ETV1: variants seen among roughly 807,000 people sequenced by gnomAD.
ETV1 encodes the protein ETS translocation variant 1.
ETV1 carries 27 observed loss-of-function variants against 62.3 expected under a neutral mutation model. The ratio of observed to expected loss-of-function variants is 0.43; its 90% CI spans 0.32 to 0.60. ETV1 has a LOEUF of 0.60. ETV1 is among the 20% of genes least tolerant of loss of function. ETV1 has a pLI of 0.06. For synonymous variants in ETV1, 222 were observed against 199.6 expected (o/e 1.11, Z -0.94); for missense variants, 605 against 605.8 (o/e 1.00, Z 0.01).
chr7:13,989,846 G>A, upstream of ETV1: 1 of 368,380 alleles, frequency 2.7e-6, no homozygotes, highest in Non-Finnish European at 4.8e-6. Flanking sequence ...GCCCTAGGGG[G>A]TGCTCGGCCG....
rs1346726031 is a variant in ETV1 at position 13,909,619 on chromosome 7, G to T, written c.940+13C>A. On this transcript the variant is annotated intron_variant, in intron 11 of 13. Coordinates refer to ENST00000430479, the MANE Select transcript of ETV1 (RefSeq NM_004956.5). ...TAAAAAAATCAGAACTTGAGGCAAA[G>T]TGTAAAACCTACCATCGAATTTTTC... The T allele has an allele frequency of 1.2e-6, 2 of 1,606,784 alleles. No individual in the cohort carries two copies. The highest frequency in any genetic ancestry group is 1.7e-6 in the Non-Finnish European group (2 of 1,173,974).
At chr7:13,968,152 C>T (rs1332841734) in intron 6 of ETV1, among the ~76,000 whole-genome samples, 1 of 151,880 alleles carries the variant, frequency 6.6e-6, no homozygotes, top group Non-Finnish European at 1.5e-5. Context: ...TAACTTGTGA[C>T]TAATTATAGG....
intron 12 of ETV1, among the ~76,000 whole-genome samples, chr7:13,901,498 G>C (rs17735727): frequency 0.34 from 51,892 of 151,932 alleles, 9,265 homozygotes; most frequent in Non-Finnish European, 0.39. Flanking sequence ...TATCCTTCTT[G>C]GTTTTTCAGA....
At chr7:13,916,905 C>T (rs919641040) in intron 9 of ETV1, among the ~76,000 whole-genome samples, 29 of 150,610 alleles carry the variant, frequency 1.9e-4, no homozygotes, top group Non-Finnish European at 3.4e-4. Context: ...GCACTCCAAC[C>T]TAGGCAACAG....
intron 13 of ETV1, among the ~76,000 whole-genome samples, chr7:13,897,160 G>A (rs1781933627): frequency 6.6e-6 from 1 of 151,924 alleles, no homozygotes; most frequent in Non-Finnish European, 1.5e-5. Context: ...GTGGGGGGAT[G>A]GGTGGATGAA....
At chr7:13,929,623 C>A (rs1010645130) in intron 9 of ETV1, among the ~76,000 whole-genome samples, 3 of 152,156 alleles carry the variant, frequency 2.0e-5, no homozygotes, top group Non-Finnish European at 4.4e-5. Context: ...CGAACAACTG[C>A]CCTTTAGCCA....
At chr7:13,923,640 A>T (rs1261808974) in intron 9 of ETV1, among the ~76,000 whole-genome samples, 1 of 152,308 alleles carries the variant, frequency 6.6e-6, no homozygotes, top group East Asian at 1.9e-4. Context: ...CTAAATTTAC[A>T]GGCTTTTCTA....
intron 7 of ETV1, among the ~76,000 whole-genome samples, chr7:13,938,499 A>C (rs1327509947): frequency 6.6e-6 from 1 of 152,250 alleles, no homozygotes; most frequent in Non-Finnish European, 1.5e-5. Flanking sequence ...ATGCAATTAA[A>C]GGCCAATATG....
rs1781737413 is a variant in ETV1, at chr7:13,896,002, A to C, written c.1298T>G (p.Leu433Arg). 4 of 1,613,560 alleles carry C rather than the reference A, an allele frequency of 2.5e-6. 1 individual carries two copies. The Admixed American group carries it at 5.0e-5, about 20-fold the overall frequency. ...SMAFPDNQRP[L>R]LKTDMERHIN... ...GTGACGTTCCATGTCTGTCTTCAGC[A>C]GTGGACGCTGATTATCTGGAAAGGC... is the stretch of plus-strand genomic sequence containing the variant. The change falls in exon 14 of 14, where the codon CTG (leucine) becomes CGG (arginine). Residue 433 changes from leucine to arginine, a missense_variant. Transcript: ENST00000430479.
At chr7:13,949,132 A>G (rs1788502785) in intron 6 of ETV1, among the ~76,000 whole-genome samples, 1 of 151,652 alleles carries the variant, frequency 6.6e-6, no homozygotes, top group East Asian at 1.9e-4. Context: ...AAGTGCTTGT[A>G]AAAAAAAATT....
At chr7:13,972,702 G>C (rs923310867) in intron 6 of ETV1, among the ~76,000 whole-genome samples, 3 of 152,156 alleles carry the variant, frequency 2.0e-5, no homozygotes, top group African/African-American at 7.2e-5. Flanking sequence ...TTTGTTAAAA[G>C]CATGTTATTG....
chr7:13,985,248 G>C (rs911944257), intron 5 of ETV1: 2 of 151,980 alleles, frequency 1.3e-5, no homozygotes, highest in Non-Finnish European at 2.9e-5. Context: ...ACTTGTATCT[G>C]AATATGACTT....
intron 6 of ETV1, among the ~76,000 whole-genome samples, chr7:13,940,738 C>G (rs759652594): frequency 3.9e-5 from 6 of 152,128 alleles, no homozygotes; most frequent in Non-Finnish European, 8.8e-5. Flanking sequence ...GACGGCATTA[C>G]AGAATTATAA....
At position 13,893,357 on chromosome 7, in the gene ETV1, A is replaced by T. The variant is rs1168714534; in HGVS notation, c.*2509T>A. On this transcript the variant is annotated 3_prime_UTR_variant, in exon 14 of 14. Coordinates refer to ENST00000430479, the MANE Select transcript of ETV1 (RefSeq NM_004956.5). ...AAAAAGTGGAATCAAAACAGAACTTAAAAAATTTTAGATACATTTTTCAAA... is the reference window on the plus strand; with the variant it reads ...AAAAAGTGGAATCAAAACAGAACTTTAAAAATTTTAGATACATTTTTCAAA... 2 of 231,432 alleles carry T rather than the reference A, an allele frequency of 8.6e-6. No homozygotes were observed. Among genetic ancestry groups the T allele is most frequent in the East Asian group, 6.2e-5 (1 of 16,216 alleles). The allele number at this position is 231,432 out of a possible 1,614,324, so 14.3% of individuals were successfully genotyped here. A position where few individuals can be genotyped will look rare whatever the true frequency, so the allele number is the denominator to read the frequency against.
Position 13,895,625 on chromosome 7 carries a change from C to T in ETV1, c.*241G>A. On this transcript the variant is annotated 3_prime_UTR_variant, in exon 14 of 14. Transcript: ENST00000430479. Reference sequence around the variant, plus strand: ...AAAGTAATCCCCAAATCCCTCTGCCCATTCACCCATTAGCTTCCTGTTACA... The same window carrying T: ...AAAGTAATCCCCAAATCCCTCTGCCTATTCACCCATTAGCTTCCTGTTACA... The T allele has an allele frequency of 2.1e-6, 1 of 482,294 alleles. No homozygotes were observed. Among genetic ancestry groups the T allele is most frequent in the South Asian group, 4.0e-5 (1 of 25,258 alleles). 29.9% of individuals were successfully genotyped at this position (482,294 alleles called of 1,614,324 possible).
chr7:13,976,808 G>A (rs932814805), intron 6 of ETV1, among the ~76,000 whole-genome samples: 1 of 152,160 alleles, frequency 6.6e-6, no homozygotes, highest in Non-Finnish European at 1.5e-5. Context: ...CGCATTCTCT[G>A]ACAGACCCAG....
chr7:13,895,146 C>T lies in ETV1; in HGVS notation c.*720G>A, dbSNP rs1192432477. The T allele has an allele frequency of 4.3e-6, 1 of 233,326 alleles. No individual in the cohort carries two copies. 14.5% of individuals were successfully genotyped at this position (233,326 alleles called of 1,614,324 possible). A position where few individuals can be genotyped will look rare whatever the true frequency, so the allele number is the denominator to read the frequency against. ...CTAAACAGCAAGGTGGCACCAGATACACGTAATGCTACTGGCCTATGACTC... is the reference window on the plus strand; with the variant it reads ...CTAAACAGCAAGGTGGCACCAGATATACGTAATGCTACTGGCCTATGACTC... On this transcript the variant is annotated 3_prime_UTR_variant, in exon 14 of 14. Coordinates refer to ENST00000430479, the MANE Select transcript of ETV1 (RefSeq NM_004956.5).
chr7:13,938,869 C>T (rs1239945992), intron 7 of ETV1, among the ~76,000 whole-genome samples: 1 of 152,086 alleles, frequency 6.6e-6, no homozygotes, highest in Non-Finnish European at 1.5e-5. Context: ...CTTTTTCAAA[C>T]CCAAGATGCA....
At chr7:13,987,665 G>A (rs1264344149) in intron 4 of ETV1, among the ~76,000 whole-genome samples, 3 of 152,034 alleles carry the variant, frequency 2.0e-5, no homozygotes, top group Non-Finnish European at 4.4e-5. Context: ...TAAAGGAGGT[G>A]GGAAACCAAA....
Sources: gnomAD v4.1 joint callset for allele counts (sites outside exome capture counted in the v4.1 genomes callset) on GRCh38, gnomAD v4.1.1 for gene constraint, MANE v1.5 for transcripts, NCBI Gene and HGNC (gene_info 2026-07-23, HGNC 2026-07-21) for gene names.